ZFP28: variants seen among roughly 807,000 people sequenced by gnomAD.
The protein encoded by ZFP28 is zinc finger protein 28 homolog.
Under a neutral mutation model 39.5 loss-of-function variants are expected in ZFP28, and 31 were observed. The observed-to-expected ratio is 0.79, with a 90% CI of 0.59 to 1.06. ZFP28 has a LOEUF of 1.06. Ranked by LOEUF, ZFP28 falls within the 50% of genes least tolerant of loss-of-function variation. The probability of loss-of-function intolerance (pLI) is 0.00; values close to 1 mark genes in which losing one functional copy is unlikely to be tolerated. For synonymous variants in ZFP28, 400 were observed against 378.6 expected, an observed-to-expected ratio of 1.06 and a Z score of -0.66; for missense variants, 925 against 1,048.4, an observed-to-expected ratio of 0.88 and a Z score of 1.63.
At position 56,554,507 on chromosome 19, in the gene ZFP28, A is replaced by C. The variant is rs1033719270; in HGVS notation, c.1722A>C (p.Ala574=). 1.2e-6 allele frequency: 2 copies of C among 1,614,130 alleles called. No individual in the cohort carries two copies. The highest frequency in any genetic ancestry group is 3.3e-5 in the Admixed American group (2 of 60,008). Reference sequence around the variant, plus strand: ...GCAGAAAAGCCTTCAGCCATCATGCATCACTCACTCAACATCAAAGAGTAC... The same window carrying C: ...GCAGAAAAGCCTTCAGCCATCATGCCTCACTCACTCAACATCAAAGAGTAC... The part of the protein sequence containing the change: ...DVCRKAFSHH[A]SLTQHQRVHS... The change falls in exon 8 of 8, where the codon GCA becomes GCC. Residue 574 remains alanine (A), a synonymous_variant. Transcript: ENST00000301318. This position sits in a 1 kb window ranked among gnomAD's most constrained non-coding sequence, Gnocchi z 6.7.
intron 5 of ZFP28, among the ~76,000 whole-genome samples, chr19:56,549,415 C>T (rs940737136): frequency 1.3e-5 from 2 of 152,044 alleles, no homozygotes; most frequent in African/African-American, 2.4e-5. Flanking sequence ...CGGTGGCTCA[C>T]GCCTGTAATC....
At chr19:56,552,122 C>T (rs1191127251) in intron 7 of ZFP28, 5 of 535,482 alleles carry the variant, frequency 9.3e-6, no homozygotes, top group Non-Finnish European at 1.2e-5. Context: ...AAATTATTTA[C>T]TGTTGAGTAT....
rs111830322 is a variant in ZFP28 at position 56,550,172 on chromosome 19, G to C, written c.793G>C (p.Gly265Arg). ...GATATGGGAGAACAACAGTGACCTG[G>C]GATCAGCAGGTAAGGATGTCCCTCT... Reference protein sequence around the residue: ...NGIWENNSDLGSAGHCVAKPD... With the variant: ...NGIWENNSDLRSAGHCVAKPD... The change falls in exon 6 of 8, where the codon GGA becomes CGA. Residue 265 changes from glycine to arginine, a missense_variant. Physicochemically the swap from Gly to Arg is moderately radical, Grantham distance 125. Coordinates refer to ENST00000301318, the MANE Select transcript of ZFP28 (RefSeq NM_020828.2). 1.9e-6 allele frequency: 3 copies of C among 1,608,976 alleles called. No homozygotes were observed. The highest frequency in any genetic ancestry group is 2.2e-5 in the South Asian group (2 of 89,604).
intron 7 of ZFP28, chr19:56,550,905 A>G: frequency 7.0e-7 from 1 of 1,430,180 alleles, no homozygotes; most frequent in Non-Finnish European, 9.1e-7. Context: ...CTGACTTCCA[A>G]AGGTTTTCTC....
In ZFP28 at chr19:56,539,046, C is replaced by T. The variant is rs1051336035; in HGVS notation, c.28C>T (p.Arg10Cys). 2 of 1,487,772 alleles carry T rather than the reference C, an allele frequency of 1.3e-6. No individual in the cohort carries two copies. Among genetic ancestry groups the T allele is most frequent in the African/African-American group, 1.4e-5 (1 of 69,120 alleles). The allele number at this position is 1,487,772 out of a possible 1,614,324, so 92.2% of individuals were successfully genotyped here. A position where few individuals can be genotyped will look rare whatever the true frequency, so the allele number is the denominator to read the frequency against. MRGAASASV[R>C]EPTPLPGRGA... ...GCGGGGGGCGGCGAGCGCGAGTGTC[C>T]GCGAGCCGACGCCGCTCCCGGGTAG... Residue 10 changes from arginine to cysteine, a missense_variant, in exon 1 of 8, where the codon CGC (arginine) becomes TGC (cysteine). By Grantham distance (180) the Arg-to-Cys change is radical (BLOSUM62 -3). Transcript: ENST00000301318.
Position 56,550,559 on chromosome 19 carries a change from G to A in ZFP28, c.852G>A (p.Lys284=), listed in dbSNP as rs1235216818. The change falls in exon 7 of 8, where the codon AAG becomes AAA. Residue 284 remains lysine (K), a synonymous_variant. Coordinates refer to ENST00000301318, the MANE Select transcript of ZFP28 (RefSeq NM_020828.2). ...PDLVSLLEQE[K]EPWMVKRELT... is the part of the protein sequence containing the mutation. ...TAGTCTCTTTACTAGAGCAAGAGAA[G>A]GAGCCCTGGATGGTGAAGCGAGAGC... The A allele has an allele frequency of 6.2e-7, 1 of 1,614,166 alleles. No individual in the cohort carries two copies.
intron 7 of ZFP28, 188 bp downstream of exon 7, chr19:56,550,793 A>G (rs1178220830): frequency 2.0e-5 from 31 of 1,517,218 alleles, no homozygotes; most frequent in Non-Finnish European, 2.6e-5. Flanking sequence ...CTCTCCAGTA[A>G]CTGCCATTTC....
At chr19:56,549,727 T>C (rs2044278314) in intron 5 of ZFP28, among the ~76,000 whole-genome samples, 1 of 152,104 alleles carries the variant, frequency 6.6e-6, no homozygotes, top group Admixed American at 6.5e-5. Flanking sequence ...TCATCAAAGA[T>C]TTCATACAAG....
Position 56,555,009 on chromosome 19 carries a change from T to G in ZFP28, c.2224T>G (p.Ser742Ala). The G allele has an allele frequency of 6.2e-7, 1 of 1,613,888 alleles. No homozygotes were observed. The highest frequency in any genetic ancestry group is 8.5e-7 in the Non-Finnish European group (1 of 1,179,984). Residue 742 changes from serine (S) to alanine (A), a missense_variant, in exon 8 of 8, where the codon TCC (serine) becomes GCC (alanine). Coordinates refer to ENST00000301318, the MANE Select transcript of ZFP28 (RefSeq NM_020828.2). ...IECGKAFKTK[S>A]SLICHRRSHT... ...GTGTGGAAAGGCATTCAAGACAAAATCCTCCCTTATTTGTCATCGCAGAAG... is the reference window on the plus strand; with the variant it reads ...GTGTGGAAAGGCATTCAAGACAAAAGCCTCCCTTATTTGTCATCGCAGAAG...
At position 56,539,643 on chromosome 19, in the gene ZFP28, C is replaced by G. The variant is rs2044177068; in HGVS notation, c.227C>G (p.Thr76Ser). 6.2e-7 allele frequency: 1 copy of G among 1,613,982 alleles called. No homozygotes were observed. The highest frequency in any genetic ancestry group is 8.5e-7 in the Non-Finnish European group (1 of 1,180,014). ...CTTTCAGCTCTGCCTTCCAGGGACACTGCTCTTCCCCAGGAGAGAAACAAG... is the reference window on the plus strand; with the variant it reads ...CTTTCAGCTCTGCCTTCCAGGGACAGTGCTCTTCCCCAGGAGAGAAACAAG... ...PGHRALPSRD[T>S]ALPQERNKKL... Residue 76 changes from threonine to serine, a missense_variant, in exon 2 of 8, where the codon ACT becomes AGT. This residue lies in a region of ZFP28 where 556 missense variants were observed against 542.9 expected (regional missense o/e 1.02). Transcript: ENST00000301318.
intron 5 of ZFP28, 97 bp downstream of exon 5, chr19:56,549,218 G>A: frequency 7.2e-7 from 1 of 1,390,078 alleles, no homozygotes. Context: ...TATAAGAGAA[G>A]TTTTCATTTG....
intron 7 of ZFP28, chr19:56,552,060 T>C: frequency 1.2e-6 from 1 of 860,088 alleles, no homozygotes; most frequent in Non-Finnish European, 1.4e-6. Flanking sequence ...CATATAGTTC[T>C]ATTTCATTTT....
intron 2 of ZFP28, among the ~76,000 whole-genome samples, chr19:56,540,131 A>G (rs2044182963): frequency 6.6e-6 from 1 of 152,214 alleles, no homozygotes; most frequent in Non-Finnish European, 1.5e-5. Flanking sequence ...TGTTGACCCA[A>G]TGTCAAGGAA....
At chr19:56,541,613 T>C (rs1297496453) in intron 2 of ZFP28, among the ~76,000 whole-genome samples, 1 of 152,196 alleles carries the variant, frequency 6.6e-6, no homozygotes, top group Admixed American at 6.5e-5. Flanking sequence ...ACCCCTGACA[T>C]CTACATCACT....
In ZFP28 at chr19:56,550,112, C is replaced by T; in HGVS notation, c.733C>T (p.Leu245=). The T allele has an allele frequency of 1.2e-6, 2 of 1,613,364 alleles. No homozygotes were observed. Among genetic ancestry groups the T allele is most frequent in the Non-Finnish European group, 1.7e-6 (2 of 1,179,816 alleles). Residue 245 remains leucine (L), a synonymous_variant, in exon 6 of 8, where the codon CTA becomes TTA. Transcript: ENST00000301318. ...KNLAVDFRQQ[L]HPAQKNFCKN... is the part of the protein sequence containing the mutation. Reference sequence around the variant, plus strand: ...CCTGGCTGTTGACTTCCGCCAGCAGCTACACCCAGCTCAGAAGAATTTCTG... The same window carrying T: ...CCTGGCTGTTGACTTCCGCCAGCAGTTACACCCAGCTCAGAAGAATTTCTG...
rs146695252 is a variant in ZFP28 at position 56,547,660 on chromosome 19, C to G, written c.427+26C>G. ...GTAAGGGCTCCCACCCCTTTTCCCA[C>G]CCCTCACCCTACCCACGTCCTGGAC... On this transcript the variant is annotated intron_variant, in intron 3 of 7. Coordinates refer to ENST00000301318, the MANE Select transcript of ZFP28 (RefSeq NM_020828.2). This position sits in a 1 kb window ranked among gnomAD's most constrained non-coding sequence, Gnocchi z 4.6. 298 of 1,594,804 alleles carry G rather than the reference C, an allele frequency of 1.9e-4. 1 individual carries two copies. In the African/African-American group the frequency reaches 3.6e-3, roughly 19 times the overall value.
chr19:56,548,291 A>T (rs2044261782), intron 4 of ZFP28: 1 of 160,050 alleles, frequency 6.2e-6, no homozygotes, highest in Admixed American at 6.2e-5. Context: ...GAGAACAAGA[A>T]TGTGTGAAAG....
In ZFP28 at chr19:56,540,218, A is replaced by G. The variant is rs191856827; in HGVS notation, c.300+502A>G. Among the ~76,000 whole-genome samples the G allele has an allele frequency of 1.9e-3, 285 of 152,362 alleles. 2 individuals are homozygous for G. Among genetic ancestry groups the G allele is most frequent in the Non-Finnish European group, 3.1e-3 (213 of 68,034 alleles). ...GGACTACAAGGCGCTCCTGGCTTCC[A>G]GCCTCCTGTAGCGGAAGGGTAGGCC... On this transcript the variant is annotated intron_variant, in intron 2 of 7. Transcript: ENST00000301318.
Position 56,555,690 on chromosome 19 carries a change from G to A in ZFP28, c.*298G>A. 1 of 295,374 alleles carries A rather than the reference G, an allele frequency of 3.4e-6. No individual in the cohort carries two copies. The allele number at this position is 295,374 out of a possible 1,614,324, so 18.3% of individuals were successfully genotyped here. On this transcript the variant is annotated 3_prime_UTR_variant, in exon 8 of 8. Coordinates refer to ENST00000301318, the MANE Select transcript of ZFP28 (RefSeq NM_020828.2). ...TAAAAAAATGATGCAGTAGGGTGAG[G>A]GTAGGAAAAAGCACATTTTCTATCA... is the stretch of plus-strand genomic sequence containing the variant.
Sources: allele counts gnomAD v4.1 joint callset (sites outside exome capture counted in the v4.1 genomes callset), GRCh38; gene constraint gnomAD v4.1.1; regional missense constraint gnomAD v4.1.1; non-coding constraint Gnocchi (gnomAD v3.1); transcripts MANE v1.5; gene names NCBI Gene and HGNC (gene_info 2026-07-23, HGNC 2026-07-21).